Variants in RAD51B observed in about 807,000 individuals in gnomAD.
RAD51B encodes RAD51 paralog B, also known as DNA repair protein RAD51 homolog 2.
A neutral mutation model predicts 42.2 loss-of-function variants in RAD51B; 38 were observed. The observed-to-expected ratio is 0.90, with a 90% CI of 0.70 to 1.18. RAD51B has a LOEUF of 1.18. RAD51B is among the 50% of genes most tolerant of loss of function. The probability of loss-of-function intolerance (pLI) is 0.00; values close to 1 mark genes in which losing one functional copy is unlikely to be tolerated. For missense variants in RAD51B, 373 were observed against 400.7 expected, an observed-to-expected ratio of 0.93 and a Z score of 0.59; for synonymous variants, 154 against 145.2, an observed-to-expected ratio of 1.06 and a Z score of -0.43.
chr14:68,416,489 G>A (rs942186849), intron 9 of RAD51B, among the ~76,000 whole-genome samples: 1 of 152,158 alleles, frequency 6.6e-6, no homozygotes, highest in Non-Finnish European at 1.5e-5. Context: ...GAAAGAGAGA[G>A]AGAAAGCAAG....
intron 4 of RAD51B, among the ~76,000 whole-genome samples, chr14:67,845,919 T>C (rs1185800973): frequency 6.6e-6 from 1 of 152,180 alleles, no homozygotes; most frequent in Non-Finnish European, 1.5e-5. Flanking sequence ...TTTTGGATAG[T>C]ATCTCACAGA....
At chr14:68,185,033 G>A (rs1172660530) in intron 7 of RAD51B, among the ~76,000 whole-genome samples, 4 of 152,136 alleles carry the variant, frequency 2.6e-5, no homozygotes, top group Non-Finnish European at 5.9e-5. Flanking sequence ...GGGACTAGGA[G>A]TGATTCTTTG....
chr14:68,544,306 A>G (rs1036029933), intron 10 of RAD51B, among the ~76,000 whole-genome samples: 1 of 152,228 alleles, frequency 6.6e-6, no homozygotes, highest in Non-Finnish European at 1.5e-5. Context: ...CTCAGAAGCA[A>G]GAGGACCACT....
chr14:67,918,938 A>G (rs28434770), intron 7 of RAD51B, among the ~76,000 whole-genome samples: 9,104 of 152,256 alleles, frequency 0.06, 640 homozygotes, highest in African/African-American at 0.17. Flanking sequence ...GAAAGAAGGC[A>G]TGAAATCTAG....
At chr14:68,540,846 A>C (rs1334073737) in intron 10 of RAD51B, 2 of 985,348 alleles carry the variant, frequency 2.0e-6, no homozygotes, top group Non-Finnish European at 2.4e-6. Context: ...AAGGAAACAG[A>C]CATTATTGGA....
chr14:68,333,699 G>GT (rs1480484573), intron 8 of RAD51B, among the ~76,000 whole-genome samples: 1 of 152,148 alleles, frequency 6.6e-6, no homozygotes, highest in Non-Finnish European at 1.5e-5. Context: ...ACAACATGAT[G>GT]TTTTAAAGTA....
chr14:68,333,920 T>A (rs944275182), intron 8 of RAD51B, among the ~76,000 whole-genome samples: 1 of 152,188 alleles, frequency 6.6e-6, no homozygotes, highest in African/African-American at 2.4e-5. Context: ...GACCAACATC[T>A]TCCCATCCCC....
At chr14:68,083,284 G>T (rs11624484) in intron 7 of RAD51B, among the ~76,000 whole-genome samples, 8 of 152,052 alleles carry the variant, frequency 5.3e-5, no homozygotes, top group Admixed American at 2.6e-4. Flanking sequence ...AGATAATTCC[G>T]TTTAGGACAC....
chr14:68,125,368 G>T (rs1049932891), intron 7 of RAD51B: 1 of 152,138 alleles, frequency 6.6e-6, no homozygotes, highest in African/African-American at 2.4e-5. Context: ...GCTCATCAAG[G>T]GGCTGTGGCA....
chr14:68,334,492 G>A (rs1241077341), intron 8 of RAD51B, among the ~76,000 whole-genome samples: 1 of 152,180 alleles, frequency 6.6e-6, no homozygotes, highest in Non-Finnish European at 1.5e-5. Flanking sequence ...GGTGGCAGAG[G>A]TAGAAGAGGT....
intron 11 of RAD51B, among the ~76,000 whole-genome samples, chr14:68,680,581 C>T (rs143978479): frequency 7.7e-4 from 117 of 152,264 alleles, no homozygotes; most frequent in African/African-American, 1.5e-3. Context: ...AGCACACCAC[C>T]GTCCCGTTCC....
intron 7 of RAD51B, among the ~76,000 whole-genome samples, chr14:68,191,475 T>G (rs1464061821): frequency 6.6e-6 from 1 of 152,222 alleles, no homozygotes; most frequent in Non-Finnish European, 1.5e-5. Flanking sequence ...TCATACTCTT[T>G]TAGTTTTCAT....
intron 7 of RAD51B, among the ~76,000 whole-genome samples, chr14:68,168,079 A>G (rs2140847253): frequency 6.6e-6 from 1 of 152,178 alleles, no homozygotes; most frequent in East Asian, 1.9e-4. Context: ...TAATTTTGAC[A>G]CTAGATTTTA....
At chr14:68,384,721 G>A (rs1322050238) in intron 8 of RAD51B, among the ~76,000 whole-genome samples, 3 of 152,070 alleles carry the variant, frequency 2.0e-5, no homozygotes, top group Non-Finnish European at 1.5e-5. Context: ...CCTTTTTAGC[G>A]TTTCCATACC....
chr14:68,161,248 C>G (rs1351396178), intron 7 of RAD51B, among the ~76,000 whole-genome samples: 1 of 152,004 alleles, frequency 6.6e-6, no homozygotes, highest in Non-Finnish European at 1.5e-5. Context: ...TATTACACAT[C>G]ATTTTGTCAG....
At chr14:68,196,134 T>C (rs1209161272) in intron 7 of RAD51B, among the ~76,000 whole-genome samples, 1 of 147,774 alleles carries the variant, frequency 6.8e-6, no homozygotes, top group East Asian at 2.0e-4. Context: ...GAGCTTGCAG[T>C]AAGCAGAGAT....
chr14:68,474,393 C>T (rs1466002968), intron 10 of RAD51B, among the ~76,000 whole-genome samples: 4 of 152,188 alleles, frequency 2.6e-5, no homozygotes, highest in African/African-American at 9.7e-5. Context: ...TAGGGATGCA[C>T]TGCACTCTAG....
At chr14:67,867,642 A>G (rs976084130) in intron 5 of RAD51B, among the ~76,000 whole-genome samples, 1 of 152,256 alleles carries the variant, frequency 6.6e-6, no homozygotes, top group Non-Finnish European at 1.5e-5. Flanking sequence ...CGTAACAATC[A>G]TGATGAGTTG....
intron 8 of RAD51B, among the ~76,000 whole-genome samples, chr14:68,388,616 A>G (rs2083662470): frequency 6.6e-6 from 1 of 152,186 alleles, no homozygotes; most frequent in Admixed American, 6.5e-5. Context: ...TCTTTTTGAA[A>G]GTGAATGTAT....
Sources: allele counts gnomAD v4.1 joint callset (sites outside exome capture counted in the v4.1 genomes callset), GRCh38; gene constraint gnomAD v4.1.1; transcripts MANE v1.5; gene names NCBI Gene and HGNC (gene_info 2026-07-23, HGNC 2026-07-21).